KCNB2: variants seen among roughly 807,000 people sequenced by gnomAD.
KCNB2 encodes potassium voltage-gated channel subfamily B member 2.
Under a neutral mutation model 61.5 loss-of-function variants are expected in KCNB2, and 15 were observed. The ratio of observed to expected loss-of-function variants is 0.24; its 90% CI spans 0.16 to 0.38. The LOEUF is 0.38. KCNB2 is among the 10% of genes least tolerant of loss of function. The pLI is 1.00. For synonymous variants in KCNB2, 457 were observed against 446.0 expected (o/e 1.02, Z -0.31); for missense variants, 828 against 1,125.2 (o/e 0.74, Z 3.78).
intron 2 of KCNB2, among the ~76,000 whole-genome samples, chr8:72,875,412 T>A (rs1805687594): frequency 6.6e-6 from 1 of 152,024 alleles, no homozygotes; most frequent in South Asian, 2.1e-4. Flanking sequence ...TTTAACAAGA[T>A]CCCCCAGGTG....
At chr8:72,854,874 G>A (rs551148214) in intron 2 of KCNB2, among the ~76,000 whole-genome samples, 17 of 152,150 alleles carry the variant, frequency 1.1e-4, no homozygotes, top group Non-Finnish European at 2.5e-4. Context: ...TTTAAACTAA[G>A]AGCAATAATC....
chr8:72,899,030 C>T (rs542656655), intron 2 of KCNB2, among the ~76,000 whole-genome samples: 1 of 152,028 alleles, frequency 6.6e-6, no homozygotes, highest in East Asian at 1.9e-4. Context: ...TTTTCCTTAT[C>T]CAATCCACCA....
chr8:72,607,722 A>G (rs1023107037), intron 2 of KCNB2, among the ~76,000 whole-genome samples: 1 of 152,196 alleles, frequency 6.6e-6, no homozygotes, highest in Non-Finnish European at 1.5e-5. Flanking sequence ...TCCATATTGA[A>G]TAATTGCTTT....
chr8:72,800,944 C>G (rs1386281581), intron 2 of KCNB2, among the ~76,000 whole-genome samples: 1 of 152,118 alleles, frequency 6.6e-6, no homozygotes, highest in Non-Finnish European at 1.5e-5. Flanking sequence ...AACTTCAGTT[C>G]CAACCTAGGT....
intron 2 of KCNB2, among the ~76,000 whole-genome samples, chr8:72,774,337 T>C (rs1472575835): frequency 1.3e-5 from 2 of 152,206 alleles, no homozygotes; most frequent in Non-Finnish European, 2.9e-5. Context: ...TTTTGTCATC[T>C]TCTGTCATCT....
intron 2 of KCNB2, among the ~76,000 whole-genome samples, chr8:72,638,480 T>G (rs150982917): frequency 0.015 from 2,240 of 152,290 alleles, 44 homozygotes; most frequent in African/African-American, 0.052. Flanking sequence ...TGATCTGTTC[T>G]TCACAGTTGA....
chr8:72,587,577 A>G (rs966688035), intron 2 of KCNB2, among the ~76,000 whole-genome samples: 9 of 152,078 alleles, frequency 5.9e-5, no homozygotes, highest in African/African-American at 1.9e-4. Flanking sequence ...GAAAAATACA[A>G]AAATTAGCTG....
At chr8:72,720,518 C>T (rs1414186526) in intron 2 of KCNB2, among the ~76,000 whole-genome samples, 1 of 152,130 alleles carries the variant, frequency 6.6e-6, no homozygotes, top group Non-Finnish European at 1.5e-5. Context: ...TCCCGACTCT[C>T]CACACTCTTC....
chr8:72,709,666 T>C, intron 2 of KCNB2, among the ~76,000 whole-genome samples: 1 of 151,970 alleles, frequency 6.6e-6, no homozygotes, highest in East Asian at 1.9e-4. Context: ...TGCTAAGCCA[T>C]TCATGAGGGA....
At chr8:72,607,867 A>G (rs1361279333) in intron 2 of KCNB2, among the ~76,000 whole-genome samples, 1 of 152,244 alleles carries the variant, frequency 6.6e-6, no homozygotes, top group Non-Finnish European at 1.5e-5. Context: ...TTATAAAATT[A>G]TAATTATGAA....
At chr8:72,791,513 C>T (rs2128998752) in intron 2 of KCNB2, among the ~76,000 whole-genome samples, 1 of 152,236 alleles carries the variant, frequency 6.6e-6, no homozygotes, top group Middle Eastern at 3.4e-3. Flanking sequence ...CAGGACACTG[C>T]ACTCTATCCT....
chr8:72,687,646 TAAAG>T (rs1806872965), intron 2 of KCNB2, among the ~76,000 whole-genome samples: 1 of 152,226 alleles, frequency 6.6e-6, no homozygotes, highest in Non-Finnish European at 1.5e-5. Flanking sequence ...TTCAAATAGT[TAAAG>T]AATTAGTTGG....
chr8:72,888,667 C>G (rs1244776262), intron 2 of KCNB2, among the ~76,000 whole-genome samples: 3 of 152,090 alleles, frequency 2.0e-5, no homozygotes, highest in Non-Finnish European at 2.9e-5. Flanking sequence ...ACTTGAAAAA[C>G]AGCAAAATTA....
intron 2 of KCNB2, among the ~76,000 whole-genome samples, chr8:72,582,820 G>T (rs1478602795): frequency 6.6e-6 from 1 of 151,948 alleles, no homozygotes; most frequent in Non-Finnish European, 1.5e-5. Flanking sequence ...GAGGTCTTGG[G>T]ATGTTGCCAG....
intron 2 of KCNB2, among the ~76,000 whole-genome samples, chr8:72,823,755 G>A (rs529362369): frequency 9.2e-5 from 14 of 152,162 alleles, no homozygotes; most frequent in Non-Finnish European, 2.1e-4. Flanking sequence ...TGAAAAAGCC[G>A]AGGCTCGAAG....
intron 2 of KCNB2, among the ~76,000 whole-genome samples, chr8:72,832,445 A>G (rs754574460): frequency 1.3e-5 from 2 of 152,210 alleles, no homozygotes; most frequent in Non-Finnish European, 2.9e-5. Flanking sequence ...TAATGAGTAC[A>G]TAGTAAGGGA....
At chr8:72,678,851 G>A (rs1247254360) in intron 2 of KCNB2, among the ~76,000 whole-genome samples, 1 of 152,154 alleles carries the variant, frequency 6.6e-6, no homozygotes. Context: ...ATGCTATGTT[G>A]TGCTCATCCT....
At chr8:72,780,373 C>A (rs987577925) in intron 2 of KCNB2, among the ~76,000 whole-genome samples, 1 of 152,108 alleles carries the variant, frequency 6.6e-6, no homozygotes, top group African/African-American at 2.4e-5. Context: ...GTGCAAATAT[C>A]ATTTAGCTAT....
At chr8:72,702,711 A>C (rs1236749740) in intron 2 of KCNB2, among the ~76,000 whole-genome samples, 1 of 152,096 alleles carries the variant, frequency 6.6e-6, no homozygotes, top group East Asian at 1.9e-4. Flanking sequence ...AAAATAGTGG[A>C]CTTGAGCTGT....
Sources: allele counts gnomAD v4.1 joint callset (sites outside exome capture counted in the v4.1 genomes callset), GRCh38; gene constraint gnomAD v4.1.1; transcripts MANE v1.5; gene names NCBI Gene and HGNC (gene_info 2026-07-23, HGNC 2026-07-21).